Variants in SLC9A2 observed in about 807,000 individuals in gnomAD.
The protein encoded by SLC9A2 is solute carrier family 9 member A2.
SLC9A2 carries 42 observed loss-of-function variants against 71.7 expected under a neutral mutation model. The observed-to-expected ratio is 0.59, with a 90% confidence interval of 0.46 to 0.76. SLC9A2 has a LOEUF of 0.76. SLC9A2 is among the 30% of genes least tolerant of loss of function. The pLI is 0.00. For synonymous variants in SLC9A2, 396 were observed against 392.5 expected (o/e 1.01, Z -0.10); for missense variants, 829 against 1,017.4 (o/e 0.81, Z 2.52).
At chr2:102,687,828 G>C (rs1677577699) in intron 5 of SLC9A2, among the ~76,000 whole-genome samples, 1 of 151,870 alleles carries the variant, frequency 6.6e-6, no homozygotes, top group South Asian at 2.1e-4. Context: ...ACCTAGGCTG[G>C]AGTGCAGTGG....
chr2:102,699,356 G>A (rs1677828260), intron 7 of SLC9A2, among the ~76,000 whole-genome samples: 1 of 152,152 alleles, frequency 6.6e-6, no homozygotes, highest in South Asian at 2.1e-4. Context: ...AGGAAGAGGG[G>A]CACAGTACCA....
intron 7 of SLC9A2, among the ~76,000 whole-genome samples, chr2:102,696,101 C>A (rs1386401468): frequency 1.3e-5 from 2 of 151,896 alleles, no homozygotes; most frequent in African/African-American, 4.8e-5. Context: ...AGCCAGCCCC[C>A]ACTTGCTAGT....
intron 3 of SLC9A2, among the ~76,000 whole-genome samples, chr2:102,668,080 C>G (rs1677176493): frequency 6.6e-6 from 1 of 151,182 alleles, no homozygotes; most frequent in African/African-American, 2.4e-5. Context: ...TCTCAAAAAA[C>G]TAAAAAATAA....
intron 7 of SLC9A2, among the ~76,000 whole-genome samples, chr2:102,699,584 G>A (rs77173789): frequency 1.2e-3 from 182 of 152,296 alleles, no homozygotes; most frequent in African/African-American, 3.7e-3. Context: ...AGATGAGGTG[G>A]GAGATGGCTG....
At chr2:102,641,792 G>T (rs1045239368) in intron 1 of SLC9A2, among the ~76,000 whole-genome samples, 12 of 149,952 alleles carry the variant, frequency 8.0e-5, no homozygotes, top group South Asian at 2.1e-4. Context: ...ATACCTGTAA[G>T]TTAGGACAGA....
At chr2:102,631,893 C>G (rs951592769) in intron 1 of SLC9A2, among the ~76,000 whole-genome samples, 1 of 149,866 alleles carries the variant, frequency 6.7e-6, no homozygotes, top group Non-Finnish European at 1.5e-5. Context: ...GGATTAGAAG[C>G]AGGAAGACCC....
intron 1 of SLC9A2, among the ~76,000 whole-genome samples, chr2:102,647,718 A>G (rs1191888522): frequency 6.6e-6 from 1 of 152,228 alleles, no homozygotes; most frequent in Non-Finnish European, 1.5e-5. Context: ...AAACACCTCT[A>G]TGCAAATAAA....
At chr2:102,683,221 C>A in intron 3 of SLC9A2, 40 bp from the exon 4 acceptor site, 3 of 1,422,440 alleles carry the variant, frequency 2.1e-6, no homozygotes, top group South Asian at 1.2e-5. Flanking sequence ...TGATTAAGAT[C>A]ATTGTTAGGT....
intron 3 of SLC9A2, among the ~76,000 whole-genome samples, chr2:102,670,308 G>A (rs891869573): frequency 7.9e-5 from 12 of 151,862 alleles, no homozygotes; most frequent in East Asian, 1.9e-4. Context: ...GAGCCACCAC[G>A]CCCGGCCGTG....
intron 1 of SLC9A2, among the ~76,000 whole-genome samples, chr2:102,622,685 A>G (rs963517016): frequency 1.3e-5 from 2 of 152,286 alleles, no homozygotes; most frequent in South Asian, 4.1e-4. Flanking sequence ...GGATTAAATG[A>G]GAATGAATGT....
At position 102,694,521 on chromosome 2, in the gene SLC9A2, G is replaced by C; in HGVS notation, c.1515+18G>C. The C allele has an allele frequency of 7.7e-7, 1 of 1,304,250 alleles. No homozygotes were observed. The highest frequency in any genetic ancestry group is 1.1e-6 in the Non-Finnish European group (1 of 940,860). The allele number at this position is 1,304,250 out of a possible 1,614,324, so 80.8% of individuals were successfully genotyped here. The stretch of plus-strand genomic sequence containing the variant: ...ATTGTCGGGTAGGTGTTAAGAGAGT[G>C]TAATAATTTTAATGATAAAGGAAAA... On this transcript the variant is annotated intron_variant, in intron 6 of 11. Coordinates refer to ENST00000233969, the MANE Select transcript of SLC9A2 (RefSeq NM_003048.6).
At chr2:102,666,194 C>CTTTTTTT (rs1266703500) in intron 3 of SLC9A2, among the ~76,000 whole-genome samples, 4 of 119,430 alleles carry the variant, frequency 3.3e-5, no homozygotes, top group Admixed American at 1.0e-4. Context: ...TCCAGTTTAG[C>CTTTTTTT]TTTTTTTTTT....
At chr2:102,648,730 C>A (rs1291402580) in intron 1 of SLC9A2, among the ~76,000 whole-genome samples, 1 of 152,160 alleles carries the variant, frequency 6.6e-6, no homozygotes, top group Non-Finnish European at 1.5e-5. Flanking sequence ...AACTCCCATT[C>A]ACAATTGCTA....
At chr2:102,689,891 T>C (rs1236055763) in intron 5 of SLC9A2, 2 of 152,220 alleles carry the variant, frequency 1.3e-5, no homozygotes, top group East Asian at 3.9e-4. Context: ...ACATATATAT[T>C]TGCCTATTAG....
chr2:102,645,010 C>T (rs1249119264), intron 1 of SLC9A2, among the ~76,000 whole-genome samples: 1 of 152,184 alleles, frequency 6.6e-6, no homozygotes, highest in African/African-American at 2.4e-5. Context: ...CTGGGAGACA[C>T]CTCCCAGCAG....
chr2:102,696,100 C>A (rs1235261326), intron 7 of SLC9A2, among the ~76,000 whole-genome samples: 3 of 151,886 alleles, frequency 2.0e-5, no homozygotes, highest in Non-Finnish European at 4.4e-5. Context: ...GAGCCAGCCC[C>A]CACTTGCTAG....
intron 3 of SLC9A2, 53 bp downstream of exon 3, chr2:102,665,403 G>C (rs1677115493): frequency 6.6e-7 from 1 of 1,515,980 alleles, no homozygotes; most frequent in Non-Finnish European, 9.0e-7. Flanking sequence ...TTGAATGCAT[G>C]CATTCTCAGC....
rs972471443 is a variant in SLC9A2, at chr2:102,710,673, A to G, written c.*2184A>G. Reference sequence around the variant, plus strand: ...TAAATTTGACTTTAGCTTTTTTTCTATACTTTCCTCTTTTTGTAATTCTTA... The same window carrying G: ...TAAATTTGACTTTAGCTTTTTTTCTGTACTTTCCTCTTTTTGTAATTCTTA... On this transcript the variant is annotated 3_prime_UTR_variant, in exon 12 of 12. Transcript: ENST00000233969. 6.6e-6 allele frequency: 1 copy of G among 152,250 alleles called. No homozygotes were observed. Among genetic ancestry groups the G allele is most frequent in the Non-Finnish European group, 1.5e-5 (1 of 68,020 alleles). 9.4% of individuals were successfully genotyped at this position (152,250 alleles called of 1,614,324 possible).
intron 5 of SLC9A2, among the ~76,000 whole-genome samples, chr2:102,690,499 T>C (rs1677638513): frequency 6.6e-6 from 1 of 152,102 alleles, no homozygotes; most frequent in Non-Finnish European, 1.5e-5. Flanking sequence ...GGTTTTTGTT[T>C]CTGATTTTCG....
Sources: gnomAD v4.1 joint callset for allele counts (sites outside exome capture counted in the v4.1 genomes callset) on GRCh38, gnomAD v4.1.1 for gene constraint, MANE v1.5 for transcripts, NCBI Gene and HGNC (gene_info 2026-07-23, HGNC 2026-07-21) for gene names.